Variants in HIPK2 observed in about 807,000 individuals in gnomAD.
The protein encoded by HIPK2 is homeodomain-interacting protein kinase 2.
A neutral mutation model predicts 113.7 loss-of-function variants in HIPK2; 27 were observed. That is an observed-to-expected ratio of 0.24 (90% confidence interval 0.17 to 0.33). The LOEUF (loss-of-function observed/expected upper bound fraction) is 0.33. Ranked by LOEUF, HIPK2 falls within the 10% of genes least tolerant of loss-of-function variation. The pLI is 1.00. For synonymous variants in HIPK2, 631 were observed against 642.2 expected, an observed-to-expected ratio of 0.98 and a Z score of 0.26; for missense variants, 1,257 against 1,588.0, an observed-to-expected ratio of 0.79 and a Z score of 3.54.
At chr7:139,678,022 C>T (rs9692210) in intron 2 of HIPK2, among the ~76,000 whole-genome samples, 3,277 of 152,112 alleles carry the variant, frequency 0.022, 109 homozygotes, top group African/African-American at 0.073. Context: ...TGTCTTCTTT[C>T]GAGAAGTGTC....
chr7:139,777,160 T>C (rs1796780975), intron 1 of HIPK2: 1 of 151,682 alleles, frequency 6.6e-6, no homozygotes, highest in Non-Finnish European at 1.5e-5. Context: ...TCGCGGAGAA[T>C]AAAGGAGCGT....
intron 2 of HIPK2, among the ~76,000 whole-genome samples, chr7:139,695,131 C>CA (rs1335542783): frequency 6.6e-6 from 1 of 152,222 alleles, no homozygotes; most frequent in African/African-American, 2.4e-5. Flanking sequence ...GGACTTCACT[C>CA]ACAAACACCA....
At chr7:139,700,238 C>T (rs1794669987) in intron 2 of HIPK2, among the ~76,000 whole-genome samples, 1 of 152,088 alleles carries the variant, frequency 6.6e-6, no homozygotes, top group South Asian at 2.1e-4. Flanking sequence ...ACACCACAGC[C>T]TGGGGACCCT....
chr7:139,652,315 G>C (rs1569465056), intron 2 of HIPK2, among the ~76,000 whole-genome samples: 1 of 152,212 alleles, frequency 6.6e-6, no homozygotes, highest in African/African-American at 2.4e-5. Context: ...CTTTGTATAA[G>C]ACAGCAGGAG....
intron 1 of HIPK2, among the ~76,000 whole-genome samples, chr7:139,759,399 G>GT (rs1221570358): frequency 2.6e-5 from 4 of 152,146 alleles, no homozygotes; most frequent in East Asian, 1.9e-4. Context: ...AATGACAGAT[G>GT]TATCTGTCCC....
intron 1 of HIPK2, among the ~76,000 whole-genome samples, chr7:139,728,548 G>A (rs1227862337): frequency 3.3e-5 from 5 of 152,054 alleles, no homozygotes; most frequent in African/African-American, 1.2e-4. Flanking sequence ...TTTTAATAAG[G>A]ACATCAGTTG....
chr7:139,573,281 G>A lies in HIPK2; in HGVS notation c.3243C>T (p.Gly1081=). Residue 1081 remains glycine, a synonymous_variant, in exon 15 of 15, where the codon GGC becomes GGT. Coordinates refer to ENST00000406875, the MANE Select transcript of HIPK2 (RefSeq NM_022740.5). ...YSFPHNSPSH[G]TVHPHLAAAA... The stretch of plus-strand genomic sequence containing the variant: ...CTGCAGCCAGATGCGGGTGCACAGT[G>A]CCGTGGCTGGGGCTGTTGTGCGGGA... 6.2e-7 allele frequency: 1 copy of A among 1,605,012 alleles called. No individual in the cohort carries two copies. Among genetic ancestry groups the A allele is most frequent in the Non-Finnish European group, 8.5e-7 (1 of 1,179,784 alleles).
intron 13 of HIPK2, among the ~76,000 whole-genome samples, chr7:139,582,864 G>A (rs911632056): frequency 1.6e-4 from 25 of 152,166 alleles, no homozygotes; most frequent in African/African-American, 5.3e-4. Context: ...CTGCCTCTAC[G>A]CTTCATCCTC....
At chr7:139,579,497 C>T (rs1798597514) in intron 13 of HIPK2, among the ~76,000 whole-genome samples, 1 of 152,090 alleles carries the variant, frequency 6.6e-6, no homozygotes, top group South Asian at 2.1e-4. Flanking sequence ...TCGGTTGGAT[C>T]AATTCTATTA....
At chr7:139,610,745 A>G (rs1422584605) in intron 9 of HIPK2, among the ~76,000 whole-genome samples, 1 of 152,230 alleles carries the variant, frequency 6.6e-6, no homozygotes, top group Non-Finnish European at 1.5e-5. Flanking sequence ...TTTATGTAAC[A>G]AAGTTGTGAG....
intron 1 of HIPK2, among the ~76,000 whole-genome samples, chr7:139,724,507 A>G (rs1795509573): frequency 6.6e-6 from 1 of 152,220 alleles, no homozygotes; most frequent in Admixed American, 6.5e-5. Context: ...GCTTAGGATC[A>G]ACCACAAGCT....
intron 1 of HIPK2, among the ~76,000 whole-genome samples, chr7:139,724,365 C>T (rs1795505958): frequency 6.6e-6 from 1 of 152,000 alleles, no homozygotes; most frequent in Non-Finnish European, 1.5e-5. Context: ...TCAGGTTAGC[C>T]CATTCTAAAT....
At chr7:139,576,544 A>G (rs1338908726) in intron 13 of HIPK2, among the ~76,000 whole-genome samples, 1 of 152,174 alleles carries the variant, frequency 6.6e-6, no homozygotes, top group Non-Finnish European at 1.5e-5. Context: ...GGGAGCCAGG[A>G]GCCTCTTCAG....
chr7:139,649,415 T>C (rs1202766316), intron 2 of HIPK2, among the ~76,000 whole-genome samples: 1 of 152,232 alleles, frequency 6.6e-6, no homozygotes, highest in African/African-American at 2.4e-5. Flanking sequence ...TAGTTACCAG[T>C]AGGGATTTTC....
chr7:139,720,215 C>T (rs1306459853), intron 1 of HIPK2, among the ~76,000 whole-genome samples: 1 of 152,190 alleles, frequency 6.6e-6, no homozygotes, highest in Non-Finnish European at 1.5e-5. Context: ...GCTTAGATTC[C>T]TTCTCTTTCC....
intron 1 of HIPK2, among the ~76,000 whole-genome samples, chr7:139,742,531 C>T (rs1003659081): frequency 2.0e-5 from 3 of 152,002 alleles, no homozygotes; most frequent in Non-Finnish European, 4.4e-5. Context: ...ATACAAAACA[C>T]TTACTCTTTT....
rs1398848449 is a variant in HIPK2, at chr7:139,631,144, T to C, written c.1347+21A>G. ...CTAAGCGCTGGGCCACTGTGAGGAGTGGAGGAGACGCTCTTCCTACCTTCA... is the reference window on the plus strand; with the variant it reads ...CTAAGCGCTGGGCCACTGTGAGGAGCGGAGGAGACGCTCTTCCTACCTTCA... On this transcript the variant is annotated intron_variant, in intron 4 of 14. Coordinates refer to ENST00000406875, the MANE Select transcript of HIPK2 (RefSeq NM_022740.5). This position sits in a 1 kb window ranked among gnomAD's most constrained non-coding sequence, Gnocchi z 4.9. 8.1e-6 allele frequency: 13 copies of C among 1,597,926 alleles called. No homozygotes were observed. The highest frequency in any genetic ancestry group is 1.1e-5 in the Non-Finnish European group (13 of 1,172,042).
intron 1 of HIPK2, among the ~76,000 whole-genome samples, chr7:139,726,908 G>C (rs1344957629): frequency 6.6e-6 from 1 of 152,228 alleles, no homozygotes; most frequent in Non-Finnish European, 1.5e-5. Context: ...TAAGAGAATG[G>C]TGCTGCTGAC....
At chr7:139,704,458 CCA>C (rs1172336514) in intron 2 of HIPK2, among the ~76,000 whole-genome samples, 2 of 148,690 alleles carry the variant, frequency 1.3e-5, no homozygotes, top group African/African-American at 5.0e-5. Context: ...CCAACACATA[CCA>C]CACACACACC....
Sources: gnomAD v4.1 joint callset for allele counts (sites outside exome capture counted in the v4.1 genomes callset) on GRCh38, gnomAD v4.1.1 for gene constraint, Gnocchi (gnomAD v3.1) non-coding constraint, MANE v1.5 for transcripts, NCBI Gene and HGNC (gene_info 2026-07-23, HGNC 2026-07-21) for gene names.